The following WDR31 variants were observed in gnomAD, a reference collection of about 807,000 sequenced individuals.
WDR31 encodes WD repeat-containing protein 31.
Under a neutral mutation model 47.3 loss-of-function variants are expected in WDR31, and 30 were observed. The ratio of observed to expected loss-of-function variants is 0.63; its 90% CI spans 0.47 to 0.86. The LOEUF (loss-of-function observed/expected upper bound fraction) is 0.86, where lower values mean the gene tolerates loss of function less well. WDR31 is among the 40% of genes least tolerant of loss of function. WDR31 has a pLI of 0.00. For missense variants in WDR31, 406 were observed against 442.9 expected (o/e 0.92, Z 0.75); for synonymous variants, 137 against 159.4 (o/e 0.86, Z 1.06).
chr9:113,316,589 C>A lies in WDR31; in HGVS notation c.*160G>T. On this transcript the variant is annotated 3_prime_UTR_variant, in exon 11 of 11. Coordinates refer to ENST00000374193, the MANE Select transcript of WDR31 (RefSeq NM_001012361.4). ...CTATACCTGATTTTGAATCACTGGA[C>A]TTAAATTATTGGACTTACAACACTG... The A allele has an allele frequency of 1.2e-6, 1 of 841,424 alleles. No individual in the cohort carries two copies. The highest frequency in any genetic ancestry group is 1.8e-6 in the Non-Finnish European group (1 of 562,892). The allele number at this position is 841,424 out of a possible 1,614,324, so 52.1% of individuals were successfully genotyped here.
chr9:113,314,461 C>T lies in WDR31; in HGVS notation c.*2288G>A, dbSNP rs1402910218. 1 of 151,810 alleles carries T rather than the reference C, an allele frequency of 6.6e-6. No homozygotes were observed. Among genetic ancestry groups the T allele is most frequent in the Non-Finnish European group, 1.5e-5 (1 of 68,012 alleles). 9.4% of individuals were successfully genotyped at this position (151,810 alleles called of 1,614,324 possible). ...ATCTCTTGACCTTGTGATCTGCCCGCCTAGGCCTCACAAAGTGCTGGGATT... is the reference window on the plus strand; with the variant it reads ...ATCTCTTGACCTTGTGATCTGCCCGTCTAGGCCTCACAAAGTGCTGGGATT... On this transcript the variant is annotated 3_prime_UTR_variant, in exon 11 of 11. Transcript: ENST00000374193.
At chr9:113,326,104 T>A (rs1269881772) in intron 5 of WDR31, among the ~76,000 whole-genome samples, 3 of 152,114 alleles carry the variant, frequency 2.0e-5, no homozygotes, top group South Asian at 4.1e-4. Context: ...AGAGACGGGG[T>A]TTCTCCATGT....
intron 10 of WDR31, 37 bp downstream of exon 10, chr9:113,318,438 T>C (rs777922460): frequency 6.2e-7 from 1 of 1,613,024 alleles, no homozygotes; most frequent in East Asian, 2.2e-5. Flanking sequence ...TAGGACTTCA[T>C]GTATCTTTTG....
chr9:113,318,925 G>A (rs751913679), intron 9 of WDR31, among the ~76,000 whole-genome samples: 1 of 152,194 alleles, frequency 6.6e-6, no homozygotes, highest in Non-Finnish European at 1.5e-5. Context: ...AAAGCTCCCA[G>A]TCCTACAGCA....
At chr9:113,339,797 G>A (rs1833791745) in intron 1 of WDR31, among the ~76,000 whole-genome samples, 1 of 152,228 alleles carries the variant, frequency 6.6e-6, no homozygotes, top group South Asian at 2.1e-4. Context: ...CTGGAGTGCA[G>A]TGGCGCGATC....
intron 1 of WDR31, among the ~76,000 whole-genome samples, chr9:113,337,615 G>C (rs576335826): frequency 6.6e-6 from 1 of 152,112 alleles, no homozygotes; most frequent in African/African-American, 2.4e-5. Flanking sequence ...ACAGGTGTGT[G>C]CCTCCATGCC....
rs558264940 is a variant in WDR31 at position 113,326,378 on chromosome 9, TTCTC to T, written c.324+2499_324+2502del. 2.4e-4 allele frequency among the ~76,000 whole-genome samples: 36 copies of T among 150,124 alleles called. No individual in the cohort carries two copies. The South Asian group carries it at 3.6e-3, about 15-fold the overall frequency. On this transcript the variant is annotated intron_variant, in intron 5 of 10. Transcript: ENST00000374193. The stretch of plus-strand genomic sequence containing the variant: ...TCTTCCTTTCCTTTCCTTTCTTTCT[TTCTC>T]TTTCTTTTCTTTCTTTCCTTCTTTC...
chr9:113,320,250 T>C, intron 9 of WDR31, 107 bp downstream of exon 9: 1 of 1,427,094 alleles, frequency 7.0e-7, no homozygotes, highest in South Asian at 1.4e-5. Flanking sequence ...GAAAGAGGCC[T>C]GAGCCATTAG....
In WDR31 at chr9:113,316,671, C is replaced by G; in HGVS notation, c.*78G>C. On this transcript the variant is annotated 3_prime_UTR_variant, in exon 11 of 11. Coordinates refer to ENST00000374193, the MANE Select transcript of WDR31 (RefSeq NM_001012361.4). ...TACCAGCCCTACATCCCACTCCCCTCAAGATAACTGGGAAAGACACAAAGC... is the reference window on the plus strand; with the variant it reads ...TACCAGCCCTACATCCCACTCCCCTGAAGATAACTGGGAAAGACACAAAGC... 1 of 1,522,800 alleles carries G rather than the reference C, an allele frequency of 6.6e-7. No homozygotes were observed. The highest frequency in any genetic ancestry group is 2.0e-5 in the Admixed American group (1 of 51,202). 94.3% of individuals were successfully genotyped at this position (1,522,800 alleles called of 1,614,324 possible).
intron 5 of WDR31, among the ~76,000 whole-genome samples, chr9:113,327,195 T>TAA (rs947409469): frequency 3.9e-5 from 6 of 152,302 alleles, no homozygotes; most frequent in African/African-American, 1.4e-4. Flanking sequence ...TTATAGAGAG[T>TAA]AAAAAGCATT....
chr9:113,328,886 T>A lies in WDR31; in HGVS notation c.319A>T (p.Thr107Ser). The A allele has an allele frequency of 6.2e-7, 1 of 1,613,358 alleles. No individual in the cohort carries two copies. The highest frequency in any genetic ancestry group is 8.5e-7 in the Non-Finnish European group (1 of 1,179,230). The change falls in exon 5 of 11, where the codon ACC (threonine) becomes TCC (serine). Residue 107 changes from threonine (T) to serine (S), a missense_variant. Physicochemically the swap from Thr to Ser is moderately conservative, Grantham distance 58. Coordinates refer to ENST00000374193, the MANE Select transcript of WDR31 (RefSeq NM_001012361.4). Reference sequence around the variant, plus strand: ...AATAATCATTTGAAAATTACCTTGGTGATCTCATGTTCATGTCCTTTGAAC... The same window carrying A: ...AATAATCATTTGAAAATTACCTTGGAGATCTCATGTTCATGTCCTTTGAAC... The part of the protein sequence containing the change: ...KRFKGHEHEI[T>S]KVACIPKSSQ...
At chr9:113,324,700 C>T (rs1037496227) in intron 5 of WDR31, among the ~76,000 whole-genome samples, 2 of 151,952 alleles carry the variant, frequency 1.3e-5, no homozygotes, top group African/African-American at 2.4e-5. Flanking sequence ...TATTTCATTC[C>T]TTTTTAAGGC....
intron 4 of WDR31, 120 bp from the exon 5 acceptor site, chr9:113,329,075 G>A: frequency 1.1e-6 from 1 of 897,830 alleles, no homozygotes; most frequent in East Asian, 2.5e-5. Flanking sequence ...TCAGGAACTT[G>A]CTCAAAGCAT....
rs1011113979 is a variant in WDR31 at position 113,314,972 on chromosome 9, A to G, written c.*1777T>C. On this transcript the variant is annotated 3_prime_UTR_variant, in exon 11 of 11. Transcript: ENST00000374193. ...CTTCAGAACAGCCCTGTGGCGAGGTATGATCATGAAACCCACGTTATAAAG... is the reference window on the plus strand; with the variant it reads ...CTTCAGAACAGCCCTGTGGCGAGGTGTGATCATGAAACCCACGTTATAAAG... 2 of 152,216 alleles carry G rather than the reference A, an allele frequency of 1.3e-5. No homozygotes were observed. The highest frequency in any genetic ancestry group is 2.9e-5 in the Non-Finnish European group (2 of 68,040). 9.4% of individuals were successfully genotyped at this position (152,216 alleles called of 1,614,324 possible).
intron 5 of WDR31, among the ~76,000 whole-genome samples, chr9:113,326,362 CCTTTCCTTT>C (rs1833468423): frequency 6.6e-6 from 1 of 151,950 alleles, no homozygotes; most frequent in African/African-American, 2.4e-5. Flanking sequence ...TTCTTCCTTT[CCTTTCCTTT>C]CTTTCTTTCT....
At chr9:113,334,651 T>C (rs891644532) in intron 2 of WDR31, among the ~76,000 whole-genome samples, 5 of 149,378 alleles carry the variant, frequency 3.3e-5, no homozygotes, top group African/African-American at 1.2e-4. Flanking sequence ...GCGATTCTCC[T>C]GTCTCAGCCT....
At chr9:113,326,515 G>A (rs1207758974) in intron 5 of WDR31, among the ~76,000 whole-genome samples, 1 of 151,452 alleles carries the variant, frequency 6.6e-6, no homozygotes, top group Non-Finnish European at 1.5e-5. Context: ...CACCCAGGCT[G>A]GGGTGCAATG....
intron 10 of WDR31, among the ~76,000 whole-genome samples, chr9:113,317,779 T>G (rs1185476225): frequency 6.6e-6 from 1 of 152,244 alleles, no homozygotes; most frequent in Non-Finnish European, 1.5e-5. Flanking sequence ...ACAGAATAGA[T>G]GGAGGCAGTG....
intron 5 of WDR31, among the ~76,000 whole-genome samples, chr9:113,326,100 G>A (rs1045799175): frequency 1.3e-5 from 2 of 152,054 alleles, no homozygotes; most frequent in East Asian, 1.9e-4. Context: ...TAGTAGAGAC[G>A]GGGTTTCTCC....
Sources: gnomAD v4.1 joint callset for allele counts (sites outside exome capture counted in the v4.1 genomes callset) on GRCh38, gnomAD v4.1.1 for gene constraint, MANE v1.5 for transcripts, NCBI Gene and HGNC (gene_info 2026-07-23, HGNC 2026-07-21) for gene names.